Variants in LASP1 observed in about 807,000 individuals in gnomAD.
The protein encoded by LASP1 is LIM and SH3 domain protein 1.
LASP1 carries 10 observed loss-of-function variants against 38.6 expected under a neutral mutation model. The ratio of observed to expected loss-of-function variants is 0.26; its 90% CI spans 0.16 to 0.44. The LOEUF (loss-of-function observed/expected upper bound fraction) is 0.44, where lower values mean the gene tolerates loss of function less well. Ranked by LOEUF, LASP1 falls within the 20% of genes least tolerant of loss-of-function variation. LASP1 has a pLI of 1.00. For missense variants in LASP1, 243 were observed against 375.7 expected (o/e 0.65, Z 2.92); for synonymous variants, 132 against 140.8 (o/e 0.94, Z 0.44).
intron 4 of LASP1, among the ~76,000 whole-genome samples, chr17:38,905,144 G>A (rs1027037748): frequency 8.5e-5 from 13 of 152,184 alleles, no homozygotes; most frequent in African/African-American, 3.1e-4. Flanking sequence ...TCTGTTGCTG[G>A]TGGACATTTG....
chr17:38,879,465 AT>A lies in LASP1; in HGVS notation c.164+1295del, dbSNP rs564126217. Among the ~76,000 whole-genome samples the A allele has an allele frequency of 3.8e-4, 54 of 143,764 alleles. 3 individuals are homozygous for A. The highest frequency in any genetic ancestry group is 7.7e-5 in the African/African-American group (3 of 38,914). The allele number at this position is 143,764 out of a possible 152,430, so 94.3% of individuals were successfully genotyped here. Reference sequence around the variant, plus strand: ...AGCCACCTCGCCCAGCCTTAATTCGATTTTTTTTTTAATTTTAACTTTTTTT... The same window carrying A: ...AGCCACCTCGCCCAGCCTTAATTCGATTTTTTTTTAATTTTAACTTTTTTT... On this transcript the variant is annotated intron_variant, in intron 2 of 6. Transcript: ENST00000318008.
intron 4 of LASP1, among the ~76,000 whole-genome samples, chr17:38,905,186 A>G (rs1311265610): frequency 2.0e-5 from 3 of 152,046 alleles, no homozygotes; most frequent in Non-Finnish European, 4.4e-5. Flanking sequence ...ACATTTTTGT[A>G]CATATCTCCT....
intron 2 of LASP1, among the ~76,000 whole-genome samples, chr17:38,878,567 G>A (rs1054947581): frequency 6.6e-6 from 1 of 152,168 alleles, no homozygotes; most frequent in Non-Finnish European, 1.5e-5. Flanking sequence ...TGAGTGACGT[G>A]TCTGTTGTAT....
chr17:38,900,189 T>C (rs1914599355), intron 4 of LASP1, among the ~76,000 whole-genome samples: 1 of 111,390 alleles, frequency 9.0e-6, no homozygotes, highest in Non-Finnish European at 1.8e-5. Context: ...ATAGCAAAAC[T>C]GTTTCTACAA....
intron 3 of LASP1, among the ~76,000 whole-genome samples, chr17:38,896,604 GA>G (rs1822044264): frequency 6.6e-6 from 1 of 152,242 alleles, no homozygotes; most frequent in Admixed American, 6.5e-5. Context: ...CGGAGTGGGG[GA>G]CTGGCACTCG....
At position 38,919,817 on chromosome 17, in the gene LASP1, C is replaced by T. The variant is rs1915247619; in HGVS notation, c.*1039C>T. 4.5e-6 allele frequency: 2 copies of T among 442,310 alleles called. No homozygotes were observed. The highest frequency in any genetic ancestry group is 3.1e-5 in the Admixed American group (1 of 31,780). The allele number at this position is 442,310 out of a possible 1,614,324, so 27.4% of individuals were successfully genotyped here. ...AGCAGGGACCACTAAATCTCCAAGA[C>T]CTGGTGTGCGGAGGCAGGAGCATGT... On this transcript the variant is annotated 3_prime_UTR_variant, in exon 7 of 7. Transcript: ENST00000318008.
At chr17:38,902,530 C>T (rs1463674768) in intron 4 of LASP1, among the ~76,000 whole-genome samples, 2 of 151,920 alleles carry the variant, frequency 1.3e-5, no homozygotes, top group Non-Finnish European at 2.9e-5. Context: ...ACACATAAAA[C>T]CATTGCTAAG....
chr17:38,870,724 C>T (rs1913579132), intron 1 of LASP1, among the ~76,000 whole-genome samples: 1 of 152,116 alleles, frequency 6.6e-6, no homozygotes, highest in Admixed American at 6.5e-5. Context: ...ACCGTCCGCT[C>T]CGGCGGGGGT....
intron 3 of LASP1, among the ~76,000 whole-genome samples, chr17:38,895,344 G>A (rs532040646): frequency 2.0e-4 from 30 of 151,116 alleles, no homozygotes; most frequent in African/African-American, 6.3e-4. Flanking sequence ...TTTTTTAGAC[G>A]GAGTTTTACT....
chr17:38,895,608 G>A (rs932950305), intron 3 of LASP1, among the ~76,000 whole-genome samples: 2 of 152,132 alleles, frequency 1.3e-5, no homozygotes, highest in African/African-American at 4.8e-5. Context: ...GAGCCACCGT[G>A]CCTGGCATAA....
chr17:38,919,399 C>A lies in LASP1; in HGVS notation c.*621C>A. 1 of 241,522 alleles carries A rather than the reference C, an allele frequency of 4.1e-6. No individual in the cohort carries two copies. Among genetic ancestry groups the A allele is most frequent in the Admixed American group, 5.0e-5 (1 of 19,852 alleles). 15.0% of individuals were successfully genotyped at this position (241,522 alleles called of 1,614,324 possible). On this transcript the variant is annotated 3_prime_UTR_variant, in exon 7 of 7. Coordinates refer to ENST00000318008, the MANE Select transcript of LASP1 (RefSeq NM_006148.4). ...GAATTCATCCCCTCCCCGCGCGTTC[C>A]TTCGCACACTGTGATTTTGCCCTCC... is the stretch of plus-strand genomic sequence containing the variant.
At position 38,919,990 on chromosome 17, in the gene LASP1, C is replaced by G. The variant is rs1184482508; in HGVS notation, c.*1212C>G. 2 of 534,966 alleles carry G rather than the reference C, an allele frequency of 3.7e-6. No homozygotes were observed. Among genetic ancestry groups the G allele is most frequent in the Non-Finnish European group, 3.6e-6 (1 of 276,778 alleles). 33.1% of individuals were successfully genotyped at this position (534,966 alleles called of 1,614,324 possible). On this transcript the variant is annotated 3_prime_UTR_variant, in exon 7 of 7. Coordinates refer to ENST00000318008, the MANE Select transcript of LASP1 (RefSeq NM_006148.4). ...TCTTCCCCTGAGAGTTTCCTCAGAA[C>G]CCACAGTGAGAGGGGAGGGCTCCTG...
rs778100520 is a variant in LASP1, at chr17:38,914,428, G to C, written c.461G>C (p.Arg154Pro). 9.9e-6 allele frequency: 16 copies of C among 1,611,414 alleles called. No individual in the cohort carries two copies. Among genetic ancestry groups the C allele is most frequent in the Non-Finnish European group, 1.4e-5 (16 of 1,179,842 alleles). Residue 154 changes from arginine (R) to proline (P), a missense_variant, in exon 5 of 7, where the codon CGG becomes CCG. Coordinates refer to ENST00000318008, the MANE Select transcript of LASP1 (RefSeq NM_006148.4). ...TCACAGGACGGCAGCAGCTACCGGC[G>C]GCCCCTGGAGCAGCAGCAGCCTCAC... is the stretch of plus-strand genomic sequence containing the variant. ...RDSQDGSSYR[R>P]PLEQQQPHHI...
intron 1 of LASP1, among the ~76,000 whole-genome samples, chr17:38,876,593 A>G (rs1913784456): frequency 1.3e-5 from 2 of 151,584 alleles, no homozygotes; most frequent in South Asian, 2.1e-4. Context: ...TGAACTCCCA[A>G]CCTCCAGTAA....
chr17:38,884,458 G>A (rs1914051699), intron 2 of LASP1, among the ~76,000 whole-genome samples: 1 of 151,134 alleles, frequency 6.6e-6, no homozygotes, highest in African/African-American at 2.4e-5. Context: ...CGCAATCTTG[G>A]CTCACTGCAA....
chr17:38,903,491 C>T (rs3785466), intron 4 of LASP1, among the ~76,000 whole-genome samples: 18,898 of 152,068 alleles, frequency 0.12, 1,447 homozygotes, highest in East Asian at 0.24. Context: ...TCCTGAGTAG[C>T]TGGTACTACA....
At chr17:38,912,113 T>C (rs1487411961) in intron 4 of LASP1, among the ~76,000 whole-genome samples, 2 of 152,172 alleles carry the variant, frequency 1.3e-5, no homozygotes, top group Non-Finnish European at 2.9e-5. Flanking sequence ...GCCTTTCTTG[T>C]GGTGTAGTTC....
At chr17:38,911,193 C>A (rs934189767) in intron 4 of LASP1, among the ~76,000 whole-genome samples, 1 of 152,166 alleles carries the variant, frequency 6.6e-6, no homozygotes, top group African/African-American at 2.4e-5. Flanking sequence ...GTGGGGGACA[C>A]CACCCGCCAA....
chr17:38,882,383 G>C (rs1180889486), intron 2 of LASP1, among the ~76,000 whole-genome samples: 1 of 152,198 alleles, frequency 6.6e-6, no homozygotes, highest in East Asian at 1.9e-4. Flanking sequence ...AAGTAGCTGG[G>C]ATTACAGGCA....
Sources: allele counts gnomAD v4.1 joint callset (sites outside exome capture counted in the v4.1 genomes callset), GRCh38; gene constraint gnomAD v4.1.1; transcripts MANE v1.5; gene names NCBI Gene and HGNC (gene_info 2026-07-23, HGNC 2026-07-21).